LAMC3: variants seen among roughly 807,000 people sequenced by gnomAD.
LAMC3 encodes the protein laminin subunit gamma 3, also known as laminin subunit gamma-3.
In LAMC3, 128 loss-of-function variants were observed where a neutral mutation model predicts 173.8. The observed-to-expected ratio is 0.74, with a 90% CI of 0.64 to 0.85. The LOEUF (loss-of-function observed/expected upper bound fraction) is 0.85. Among genes scored for constraint, LAMC3 ranks in the 40% least tolerant of loss-of-function variants. LAMC3 has a pLI of 0.00. For synonymous variants in LAMC3, 897 were observed against 909.1 expected (o/e 0.99, Z 0.24); for missense variants, 2,022 against 2,156.0 (o/e 0.94, Z 1.23).
chr9:131,023,752 G>A (rs555091694), intron 1 of LAMC3, among the ~76,000 whole-genome samples: 2 of 152,164 alleles, frequency 1.3e-5, no homozygotes, highest in South Asian at 4.2e-4. Flanking sequence ...GGAGGCACGG[G>A]CCACCATGCT....
At chr9:131,012,957 G>A (rs1254599581) in intron 1 of LAMC3, among the ~76,000 whole-genome samples, 1 of 152,250 alleles carries the variant, frequency 6.6e-6, no homozygotes, top group Non-Finnish European at 1.5e-5. Flanking sequence ...AAAGGCAGCA[G>A]TGGGCTCTGG....
At chr9:131,035,442 G>A (rs898263948) in intron 3 of LAMC3, among the ~76,000 whole-genome samples, 6 of 152,060 alleles carry the variant, frequency 3.9e-5, no homozygotes, top group African/African-American at 9.7e-5. Flanking sequence ...TGGGGCTGAC[G>A]GGTGGGTGCC....
intron 11 of LAMC3, among the ~76,000 whole-genome samples, chr9:131,053,469 C>T (rs924187713): frequency 1.3e-5 from 2 of 152,236 alleles, no homozygotes; most frequent in African/African-American, 4.8e-5. Context: ...ACCTCCCACC[C>T]TGGTCACAGT....
At chr9:131,090,322 G>T (rs112983869) in intron 27 of LAMC3, among the ~76,000 whole-genome samples, 116 of 152,364 alleles carry the variant, frequency 7.6e-4, no homozygotes, top group African/African-American at 2.6e-3. Flanking sequence ...TGGGGATGCA[G>T]AATGAAGAGC....
chr9:131,072,502 CT>C (rs1830051914), intron 18 of LAMC3, 127 bp from the exon 19 acceptor site: 5 of 781,662 alleles, frequency 6.4e-6, no homozygotes, highest in Non-Finnish European at 1.1e-5. Flanking sequence ...GCCTTTGGGA[CT>C]ACCTGTTGGT....
At chr9:131,037,604 T>C (rs951622691) in intron 4 of LAMC3, among the ~76,000 whole-genome samples, 2 of 152,088 alleles carry the variant, frequency 1.3e-5, no homozygotes, top group Non-Finnish European at 2.9e-5. Context: ...CCTGGGTGCG[T>C]GTTCCTCCTA....
At chr9:131,068,401 C>T (rs559725179) in intron 15 of LAMC3, among the ~76,000 whole-genome samples, 170 bp downstream of exon 15, 3 of 152,310 alleles carry the variant, frequency 2.0e-5, no homozygotes, top group Admixed American at 1.3e-4. Context: ...TGGCATCCGA[C>T]TCATGCTCCT....
intron 15 of LAMC3, among the ~76,000 whole-genome samples, chr9:131,068,684 C>T (rs1032312878): frequency 4.6e-5 from 7 of 152,164 alleles, no homozygotes; most frequent in African/African-American, 1.4e-4. Flanking sequence ...CCCCGAGACA[C>T]GTTTGTCCCC....
chr9:131,050,069 C>G (rs1242758065), intron 9 of LAMC3, among the ~76,000 whole-genome samples: 1 of 152,234 alleles, frequency 6.6e-6, no homozygotes, highest in Non-Finnish European at 1.5e-5. Context: ...GGCGTCGGGC[C>G]CCTCGTGGGG....
At chr9:131,068,817 G>T in intron 15 of LAMC3, 91 bp from the exon 16 acceptor site, 4 of 1,449,048 alleles carry the variant, frequency 2.8e-6, no homozygotes, top group Non-Finnish European at 2.9e-6. Context: ...AGAGGGCTGT[G>T]ATCTGAGGCC....
chr9:131,061,244 A>C, intron 13 of LAMC3, 21 bp downstream of exon 13: 1 of 1,589,886 alleles, frequency 6.3e-7, no homozygotes, highest in East Asian at 2.2e-5. Context: ...CCTGCCCCGG[A>C]GCCCTGCCCC....
Position 131,051,434 on chromosome 9 carries a change from G to A in LAMC3, c.1631-1057G>A, listed in dbSNP as rs1000525577. ...GGCTGGAGTGCATTGGCGTGGTCTT[G>A]GCTCACTGCAACCTCTGCCTTCTGG... On this transcript the variant is annotated intron_variant, in intron 9 of 27. Coordinates refer to ENST00000361069, the MANE Select transcript of LAMC3 (RefSeq NM_006059.4). 2.9e-5 allele frequency among the ~76,000 whole-genome samples: 4 copies of A among 136,572 alleles called. No individual in the cohort carries two copies. The South Asian group carries it at 9.0e-4, about 31-fold the overall frequency. The allele number at this position is 136,572 out of a possible 152,430, so 89.6% of individuals were successfully genotyped here. A position where few individuals can be genotyped will look rare whatever the true frequency, so the allele number is the denominator to read the frequency against.
At chr9:131,036,354 G>T in intron 4 of LAMC3, 22 bp downstream of exon 4, 1 of 1,612,430 alleles carries the variant, frequency 6.2e-7, no homozygotes, top group Admixed American at 1.7e-5. Flanking sequence ...AGTGTCACAG[G>T]GCATCAGGGA....
chr9:131,009,444 G>A lies in LAMC3; in HGVS notation c.230G>A (p.Cys77Tyr). Residue 77 changes from cysteine to tyrosine, a missense_variant, in exon 1 of 28, where the codon TGC becomes TAC. Cys to Tyr is a radical substitution (Grantham distance 194). Transcript: ENST00000361069. This position sits in a 1 kb window ranked among gnomAD's most constrained non-coding sequence, Gnocchi z 4.3. Reference protein sequence around the residue: ...AAGAGAHCQRCDAADPQRHHN... With the variant: ...AAGAGAHCQRYDAADPQRHHN... ...GGCGCGGGGGCTCATTGCCAGCGCT[G>A]CGACGCCGCCGACCCCCAGCGCCAC... is the stretch of plus-strand genomic sequence containing the variant. 1.3e-6 allele frequency: 2 copies of A among 1,545,920 alleles called. 1 individual carries two copies. Among genetic ancestry groups the A allele is most frequent in the South Asian group, 2.4e-5 (2 of 83,932 alleles).
Position 131,052,945 on chromosome 9 carries a change from G to T in LAMC3, c.1919G>T (p.Ser640Ile), listed in dbSNP as rs773662739. 2.5e-6 allele frequency: 4 copies of T among 1,613,348 alleles called. No homozygotes were observed. The Admixed American group carries it at 6.7e-5, about 27-fold the overall frequency. The change falls in exon 11 of 28, where the codon AGT (serine) becomes ATT (isoleucine). Residue 640 changes from serine (S) to isoleucine (I), a missense_variant. Ser to Ile is a moderately radical substitution (Grantham distance 142). Transcript: ENST00000361069. ...CTGACCAGCCTCCGCCTCCGCGTCA[G>T]TCCCGGCCCCAGCCCTGCCGGTCAG... is the stretch of plus-strand genomic sequence containing the variant. ...ANLTSLRLRVSPGPSPAGPVF... is the reference protein window; with the variant it reads ...ANLTSLRLRVIPGPSPAGPVF...
Position 131,039,262 on chromosome 9 carries a change from G to T in LAMC3, c.1283+14G>T, listed in dbSNP as rs766770347. The T allele has an allele frequency of 6.9e-6, 11 of 1,595,474 alleles. No homozygotes were observed. Among genetic ancestry groups the T allele is most frequent in the Non-Finnish European group, 9.4e-6 (11 of 1,174,466 alleles). On this transcript the variant is annotated intron_variant, in intron 6 of 27. Transcript: ENST00000361069. ...GGGAGGCTGCAGGTGAGGGCGAGGGGCGGCCCAGTATGGACACATTGCACT... is the reference window on the plus strand; with the variant it reads ...GGGAGGCTGCAGGTGAGGGCGAGGGTCGGCCCAGTATGGACACATTGCACT...
In LAMC3 at chr9:131,009,252, T is replaced by TGGCACCGCG. The variant is rs1057520165; in HGVS notation, c.42_50dup (p.Pro15_Ala17dup). 3.0e-4 allele frequency: 386 copies of TGGCACCGCG among 1,293,078 alleles called. 1 individual carries two copies. In the African/African-American group the frequency reaches 5.4e-3, roughly 18 times the overall value. The allele number at this position is 1,293,078 out of a possible 1,614,324, so 80.1% of individuals were successfully genotyped here. ...GCGCTTCTGCTGGGGCTGGCGCTGC[T>TGGCACCGCG]GGCACCGCGGGCGGCCGGCGCGGGC... On this transcript the variant is annotated inframe_insertion, in exon 1 of 28. Coordinates refer to ENST00000361069, the MANE Select transcript of LAMC3 (RefSeq NM_006059.4). The surrounding 1 kb of genome is among the most constrained non-coding windows in gnomAD (Gnocchi z 4.3).
At chr9:131,081,451 C>CCCTCCA (rs1564390598) in intron 23 of LAMC3, among the ~76,000 whole-genome samples, 1 of 51,900 alleles carries the variant, frequency 1.9e-5, no homozygotes, top group African/African-American at 6.8e-5. Flanking sequence ...CCCTCCCTCC[C>CCCTCCA]TCCCTCCCTC....
At chr9:131,087,421 CA>C in intron 25 of LAMC3, 54 bp from the exon 26 acceptor site, 1 of 1,608,896 alleles carries the variant, frequency 6.2e-7, no homozygotes, top group South Asian at 1.1e-5. Context: ...TATTTACCTC[CA>C]AAAGGACTTG....
Sources: gnomAD v4.1 joint callset for allele counts (sites outside exome capture counted in the v4.1 genomes callset) on GRCh38, gnomAD v4.1.1 for gene constraint, Gnocchi (gnomAD v3.1) non-coding constraint, MANE v1.5 for transcripts, NCBI Gene and HGNC (gene_info 2026-07-23, HGNC 2026-07-21) for gene names.